The following PARD6G variants were observed in gnomAD, a reference collection of about 807,000 sequenced individuals.
The protein encoded by PARD6G is partitioning defective 6 homolog gamma.
PARD6G carries 7 observed loss-of-function variants against 10.7 expected under a neutral mutation model. That is an observed-to-expected ratio of 0.66 (90% CI 0.37 to 1.23). The LOEUF (loss-of-function observed/expected upper bound fraction) is 1.23. Ranked by LOEUF, PARD6G falls within the 50% of genes most tolerant of loss-of-function variation. The pLI, the probability that PARD6G is intolerant of heterozygous loss-of-function variation, is 0.02. For missense variants in PARD6G, 548 were observed against 571.8 expected (o/e 0.96, Z 0.42); for synonymous variants, 287 against 269.4 (o/e 1.07, Z -0.64).
intron 1 of PARD6G, among the ~76,000 whole-genome samples, chr18:80,207,447 CAATA>C (rs1568437336): frequency 6.6e-6 from 1 of 151,718 alleles, no homozygotes; most frequent in African/African-American, 2.4e-5. Flanking sequence ...TAGTGATTAT[CAATA>C]AATACTTAAT....
chr18:80,222,151 C>CA, intron 1 of PARD6G, among the ~76,000 whole-genome samples: 1 of 151,852 alleles, frequency 6.6e-6, no homozygotes, highest in Non-Finnish European at 1.5e-5. Flanking sequence ...GTGGTGCAAT[C>CA]ACAGCTCACT....
chr18:80,185,702 G>C (rs1170491153), intron 2 of PARD6G, among the ~76,000 whole-genome samples: 1 of 134,306 alleles, frequency 7.4e-6, no homozygotes, highest in Admixed American at 7.4e-5. Context: ...TCACACACAT[G>C]CACCCACACA....
chr18:80,164,929 AG>A (rs767649753), intron 2 of PARD6G, among the ~76,000 whole-genome samples: 34 of 152,244 alleles, frequency 2.2e-4, no homozygotes, highest in Non-Finnish European at 4.9e-4. Context: ...CATGCTTCTG[AG>A]GGAACAGGAC....
chr18:80,240,326 G>A (rs76850386), intron 1 of PARD6G, among the ~76,000 whole-genome samples: 3,834 of 152,306 alleles, frequency 0.025, 154 homozygotes, highest in African/African-American at 0.088. Flanking sequence ...GCTCAAAAGT[G>A]CAAGTAGTTG....
intron 2 of PARD6G, 40 bp from the exon 3 acceptor site, chr18:80,160,646 G>A: frequency 1.4e-6 from 2 of 1,429,560 alleles, no homozygotes; most frequent in Non-Finnish European, 1.8e-6. Flanking sequence ...ACACAACCGA[G>A]CCCCGCCTGA....
intron 1 of PARD6G, among the ~76,000 whole-genome samples, chr18:80,222,658 A>G (rs1266558685): frequency 6.6e-6 from 1 of 152,016 alleles, no homozygotes; most frequent in Non-Finnish European, 1.5e-5. Flanking sequence ...AAAACCTTAC[A>G]TTTGTCATCA....
At chr18:80,167,245 A>G (rs1240260566) in intron 2 of PARD6G, among the ~76,000 whole-genome samples, 1 of 151,762 alleles carries the variant, frequency 6.6e-6, no homozygotes, top group African/African-American at 2.4e-5. Context: ...GCCGGATAAC[A>G]CATGGGCAGT....
chr18:80,177,661 T>C (rs1388611199), intron 2 of PARD6G, among the ~76,000 whole-genome samples: 5 of 127,288 alleles, frequency 3.9e-5, no homozygotes, highest in African/African-American at 1.5e-4. Flanking sequence ...CATGCATGCA[T>C]GCACACACAC....
intron 1 of PARD6G, among the ~76,000 whole-genome samples, chr18:80,220,574 A>T (rs944781232): frequency 2.0e-5 from 3 of 152,038 alleles, no homozygotes; most frequent in Non-Finnish European, 4.4e-5. Flanking sequence ...GAAACTGGGT[A>T]TGGTGTATAT....
At chr18:80,218,275 C>A (rs966985726) in intron 1 of PARD6G, among the ~76,000 whole-genome samples, 1 of 152,066 alleles carries the variant, frequency 6.6e-6, no homozygotes, top group Non-Finnish European at 1.5e-5. Context: ...GCCTATGAGC[C>A]TGTAAAATCA....
Position 80,247,485 on chromosome 18 carries a change from C to T in PARD6G, c.-137G>A. The T allele has an allele frequency of 2.7e-6, 1 of 370,680 alleles. No homozygotes were observed. Among genetic ancestry groups the T allele is most frequent in the Non-Finnish European group, 3.9e-6 (1 of 257,900 alleles). The allele number at this position is 370,680 out of a possible 1,614,324, so 23.0% of individuals were successfully genotyped here. Reference sequence around the variant, plus strand: ...GGCCGGCGGGCTGCTCCCGGTGCTGCGGGCCCGAGCTGGGCTGGCCGCGCG... The same window carrying T: ...GGCCGGCGGGCTGCTCCCGGTGCTGTGGGCCCGAGCTGGGCTGGCCGCGCG... On this transcript the variant is annotated 5_prime_UTR_variant, in exon 1 of 3. Transcript: ENST00000353265. This position sits in a 1 kb window ranked among gnomAD's most constrained non-coding sequence, Gnocchi z 4.2.
At chr18:80,219,320 T>C (rs1469366093) in intron 1 of PARD6G, among the ~76,000 whole-genome samples, 4 of 152,168 alleles carry the variant, frequency 2.6e-5, no homozygotes, top group Admixed American at 6.5e-5. Flanking sequence ...GGGATTCTCC[T>C]GCCTCAGCCA....
intron 2 of PARD6G, among the ~76,000 whole-genome samples, chr18:80,177,245 C>G (rs1223048836): frequency 6.8e-6 from 1 of 147,826 alleles, no homozygotes; most frequent in Non-Finnish European, 1.5e-5. Flanking sequence ...CACACACACA[C>G]AGTACAAATC....
At position 80,180,142 on chromosome 18, in the gene PARD6G, G is replaced by A. The variant is rs539886579; in HGVS notation, c.296-19536C>T. On this transcript the variant is annotated intron_variant, in intron 2 of 2. Transcript: ENST00000353265. The surrounding 1 kb of genome is among the most constrained non-coding windows in gnomAD (Gnocchi z 5.6). ...GGCCTGGCTGGGTGAACCAGGGCCC[G>A]GGACGGGAATGGCCATTGGTGTGTC... Among the ~76,000 whole-genome samples, 7 of 152,362 alleles carry A rather than the reference G, an allele frequency of 4.6e-5. No individual in the cohort carries two copies. The East Asian group carries it at 7.7e-4, about 17-fold the overall frequency.
At chr18:80,202,237 T>A (rs910327099) in intron 2 of PARD6G, among the ~76,000 whole-genome samples, 10 of 152,164 alleles carry the variant, frequency 6.6e-5, no homozygotes, top group African/African-American at 2.4e-4. Context: ...CCCCTTCCCT[T>A]TCAGCCATTA....
Position 80,180,358 on chromosome 18 carries a change from G to A in PARD6G, c.296-19752C>T, listed in dbSNP as rs1215028418. ...GCCGGCAGGTGAGGACACGCAGCTGGGAGGGGCGCAGCCGGCAGCACCTGG... is the reference window on the plus strand; with the variant it reads ...GCCGGCAGGTGAGGACACGCAGCTGAGAGGGGCGCAGCCGGCAGCACCTGG... On this transcript the variant is annotated intron_variant, in intron 2 of 2. Coordinates refer to ENST00000353265, the MANE Select transcript of PARD6G (RefSeq NM_032510.4). The surrounding 1 kb of genome is among the most constrained non-coding windows in gnomAD (Gnocchi z 5.6). Among the ~76,000 whole-genome samples, 2 of 152,178 alleles carry A rather than the reference G, an allele frequency of 1.3e-5. No homozygotes were observed. The highest frequency in any genetic ancestry group is 2.9e-5 in the Non-Finnish European group (2 of 68,010).
chr18:80,218,565 T>G (rs1001136689), intron 1 of PARD6G, among the ~76,000 whole-genome samples: 7 of 152,180 alleles, frequency 4.6e-5, no homozygotes, highest in African/African-American at 1.7e-4. Context: ...GTTGCTTTCA[T>G]GGGCTGGTAT....
chr18:80,224,362 T>C (rs1967264173), intron 1 of PARD6G, among the ~76,000 whole-genome samples: 3 of 152,200 alleles, frequency 2.0e-5, no homozygotes, highest in Non-Finnish European at 2.9e-5. Context: ...TTTTTCTGTC[T>C]AAAACAAAAA....
At chr18:80,185,223 G>C (rs2052867651) in intron 2 of PARD6G, among the ~76,000 whole-genome samples, 1 of 152,154 alleles carries the variant, frequency 6.6e-6, no homozygotes. Flanking sequence ...AATCTGGTGT[G>C]ATGTGCCTCG....
Sources: allele counts gnomAD v4.1 joint callset (sites outside exome capture counted in the v4.1 genomes callset), GRCh38; gene constraint gnomAD v4.1.1; non-coding constraint Gnocchi (gnomAD v3.1); transcripts MANE v1.5; gene names NCBI Gene and HGNC (gene_info 2026-07-23, HGNC 2026-07-21).